Variants in KLHL2 observed in about 807,000 individuals in gnomAD.
The protein encoded by KLHL2 is kelch-like protein 2.
In KLHL2, 15 loss-of-function variants were observed where a neutral mutation model predicts 75.8. That is an observed-to-expected ratio of 0.20 (90% CI 0.13 to 0.30). KLHL2 has a LOEUF of 0.30. KLHL2 is among the 10% of genes least tolerant of loss of function. The probability of loss-of-function intolerance (pLI) is 1.00; values close to 1 mark genes in which losing one functional copy is unlikely to be tolerated. For missense variants in KLHL2, 381 were observed against 741.0 expected, an observed-to-expected ratio of 0.51 and a Z score of 5.64; for synonymous variants, 214 against 251.9, an observed-to-expected ratio of 0.85 and a Z score of 1.42.
intron 5 of KLHL2, among the ~76,000 whole-genome samples, chr4:165,275,399 A>G (rs1414510045): frequency 6.6e-6 from 1 of 152,166 alleles, no homozygotes; most frequent in Non-Finnish European, 1.5e-5. Flanking sequence ...TTCTAGCAAA[A>G]GACTCTTTGG....
At chr4:165,299,357 A>G (rs1449356330) in intron 7 of KLHL2, 150 bp from the exon 8 acceptor site, 1 of 584,324 alleles carries the variant, frequency 1.7e-6, no homozygotes, top group African/African-American at 1.9e-5. Context: ...TTTTTCTCTT[A>G]GATGTATTTA....
intron 4 of KLHL2, among the ~76,000 whole-genome samples, chr4:165,244,458 T>G (rs1222280178): frequency 6.6e-6 from 1 of 152,206 alleles, no homozygotes; most frequent in Non-Finnish European, 1.5e-5. Flanking sequence ...TAGATTTTGG[T>G]GAAGAGTGCT....
At chr4:165,268,444 G>T (rs1414969588) in intron 5 of KLHL2, among the ~76,000 whole-genome samples, 2 of 152,100 alleles carry the variant, frequency 1.3e-5, no homozygotes, top group African/African-American at 4.8e-5. Context: ...TCTCTTGTGG[G>T]CATTTAGCAC....
At position 165,297,696 on chromosome 4, in the gene KLHL2, C is replaced by T; in HGVS notation, c.742C>T (p.Pro248Ser). 6.2e-7 allele frequency: 1 copy of T among 1,612,742 alleles called. No individual in the cohort carries two copies. Among genetic ancestry groups the T allele is most frequent in the Non-Finnish European group, 8.5e-7 (1 of 1,178,800 alleles). ...MARLMEHVRL[P>S]LLPREYLVQR... The stretch of plus-strand genomic sequence containing the variant: ...CCGACTGATGGAACATGTACGGTTA[C>T]CTTTGCTTCCTCGGGAATATTTAGT... Residue 248 changes from proline to serine, a missense_variant, in exon 7 of 15, where the codon CCT becomes TCT. Around this residue, in one of 5 missense-constraint regions of KLHL2, gnomAD observed 111 missense variants for 150.1 expected, o/e 0.74. Coordinates refer to ENST00000226725, the MANE Select transcript of KLHL2 (RefSeq NM_007246.4).
In KLHL2 at chr4:165,207,987, G is replaced by T; in HGVS notation, c.26+85G>T. On this transcript the variant is annotated intron_variant, in intron 1 of 14. Transcript: ENST00000226725. This position sits in a 1 kb window ranked among gnomAD's most constrained non-coding sequence, Gnocchi z 4.2. ...TCGCCGGCCGCGGGCGCAGCTCTGG[G>T]GACAGCCGCCGGGGCCGGCGGGAGG... 9.7e-7 allele frequency: 1 copy of T among 1,033,190 alleles called. No individual in the cohort carries two copies. The highest frequency in any genetic ancestry group is 1.2e-6 in the Non-Finnish European group (1 of 816,378). The allele number at this position is 1,033,190 out of a possible 1,614,324, so 64.0% of individuals were successfully genotyped here.
intron 5 of KLHL2, among the ~76,000 whole-genome samples, chr4:165,293,361 A>AT (rs1744664271): frequency 6.6e-6 from 1 of 152,132 alleles, no homozygotes; most frequent in Admixed American, 6.5e-5. Context: ...AGGGAAAAAA[A>AT]TTTTTTAAGT....
At chr4:165,220,757 T>G (rs546109927) in intron 2 of KLHL2, among the ~76,000 whole-genome samples, 42 of 152,176 alleles carry the variant, frequency 2.8e-4, no homozygotes, top group Non-Finnish European at 4.7e-4. Flanking sequence ...ACCATTGTTT[T>G]GTGGGAGTGG....
rs780523256 is a variant in KLHL2 at position 165,278,812 on chromosome 4, C to T, written c.544+15453C>T. 1.1e-4 allele frequency: 166 copies of T among 1,551,644 alleles called. 1 individual carries two copies. The Middle Eastern group carries it at 1.2e-3, about 11-fold the overall frequency. ...ATAGTAAGAAACATCCTGTTCCATA[C>T]GTATTTTTGGCTTGTCCAATCTGGA... On this transcript the variant is annotated intron_variant, in intron 5 of 14. Transcript: ENST00000226725.
intron 5 of KLHL2, among the ~76,000 whole-genome samples, chr4:165,270,449 C>G (rs565361839): frequency 1.6e-4 from 25 of 152,308 alleles, no homozygotes; most frequent in Non-Finnish European, 3.4e-4. Flanking sequence ...TTCTCCCCAT[C>G]TTTGTGGTTT....
chr4:165,249,578 A>G (rs1230275337), intron 4 of KLHL2, among the ~76,000 whole-genome samples: 1 of 152,170 alleles, frequency 6.6e-6, no homozygotes, highest in African/African-American at 2.4e-5. Flanking sequence ...ATGTCTCCTT[A>G]CCTTTCATGG....
intron 10 of KLHL2, 135 bp downstream of exon 10, chr4:165,310,885 T>G: frequency 1.5e-6 from 1 of 676,648 alleles, no homozygotes; most frequent in South Asian, 1.8e-5. Context: ...GATGGAGTCT[T>G]GCTCCGTCGC....
chr4:165,316,951 G>C (rs1746631509), intron 13 of KLHL2, among the ~76,000 whole-genome samples: 1 of 152,106 alleles, frequency 6.6e-6, no homozygotes, highest in Non-Finnish European at 1.5e-5. Context: ...GTTAGCCAGA[G>C]TAGAGATCAA....
At chr4:165,269,526 C>T (rs964943970) in intron 5 of KLHL2, among the ~76,000 whole-genome samples, 39 of 151,986 alleles carry the variant, frequency 2.6e-4, no homozygotes, top group African/African-American at 8.0e-4. Flanking sequence ...CAAATTCTCT[C>T]GGCATTTGCT....
At chr4:165,255,888 C>T (rs1295443249) in intron 4 of KLHL2, among the ~76,000 whole-genome samples, 5 of 152,030 alleles carry the variant, frequency 3.3e-5, no homozygotes, top group Admixed American at 1.3e-4. Context: ...GTGGAGCAAT[C>T]GGACCCTTTG....
chr4:165,300,523 A>G (rs933334021), intron 8 of KLHL2, among the ~76,000 whole-genome samples: 1 of 151,884 alleles, frequency 6.6e-6, no homozygotes, highest in Non-Finnish European at 1.5e-5. Flanking sequence ...TCGTGTTCAT[A>G]TTTTCCTATG....
chr4:165,210,674 A>G (rs915934339), intron 1 of KLHL2, among the ~76,000 whole-genome samples: 14 of 152,228 alleles, frequency 9.2e-5, no homozygotes, highest in African/African-American at 3.1e-4. Flanking sequence ...TGAGAGATGT[A>G]GTTTAGATGT....
rs1408798942 is a variant in KLHL2 at position 165,267,556 on chromosome 4, T to G, written c.544+4197T>G. Among the ~76,000 whole-genome samples the G allele has an allele frequency of 2.6e-5, 4 of 152,334 alleles. No individual in the cohort carries two copies. The South Asian group carries it at 8.3e-4, about 32-fold the overall frequency. ...AATTTTGTCAAAGGCCTTTTCTGCA[T>G]CTATTGGGATAATCATGTGGTTTTT... is the stretch of plus-strand genomic sequence containing the variant. On this transcript the variant is annotated intron_variant, in intron 5 of 14. Coordinates refer to ENST00000226725, the MANE Select transcript of KLHL2 (RefSeq NM_007246.4).
chr4:165,242,171 A>G (rs961392519), intron 4 of KLHL2, among the ~76,000 whole-genome samples: 9 of 152,198 alleles, frequency 5.9e-5, no homozygotes, highest in East Asian at 1.9e-4. Flanking sequence ...TTGTAATTCA[A>G]CTTTTTTGTT....
intron 2 of KLHL2, among the ~76,000 whole-genome samples, chr4:165,223,459 G>C (rs1738170115): frequency 6.6e-6 from 1 of 152,202 alleles, no homozygotes; most frequent in South Asian, 2.1e-4. Flanking sequence ...GGATGGAGTG[G>C]GAAGGTCTTC....
Sources: gnomAD v4.1 joint callset for allele counts (sites outside exome capture counted in the v4.1 genomes callset) on GRCh38, gnomAD v4.1.1 for gene constraint, gnomAD v4.1.1 regional missense constraint, Gnocchi (gnomAD v3.1) non-coding constraint, MANE v1.5 for transcripts, NCBI Gene and HGNC (gene_info 2026-07-23, HGNC 2026-07-21) for gene names.